Variants in HELLS observed in about 807,000 individuals in gnomAD.
HELLS encodes the protein helicase, lymphoid specific.
HELLS carries 32 observed loss-of-function variants against 120.0 expected under a neutral mutation model. That is an observed-to-expected ratio of 0.27 (90% CI 0.20 to 0.36). The LOEUF (loss-of-function observed/expected upper bound fraction) is 0.36, where lower values mean the gene tolerates loss of function less well. Among genes scored for constraint, HELLS ranks in the 10% least tolerant of loss-of-function variants. The probability of loss-of-function intolerance (pLI) is 1.00; values close to 1 mark genes in which losing one functional copy is unlikely to be tolerated. For synonymous variants in HELLS, 341 were observed against 323.4 expected (o/e 1.05, Z -0.58); for missense variants, 650 against 993.4 (o/e 0.65, Z 4.65).
chr10:94,583,972 C>T, intron 12 of HELLS: 1 of 566,138 alleles, frequency 1.8e-6, no homozygotes, highest in Non-Finnish European at 3.1e-6. Context: ...TTGCCCATTT[C>T]TGGCTATTTC....
chr10:94,597,178 C>A, intron 21 of HELLS, 67 bp downstream of exon 21: 2 of 871,184 alleles, frequency 2.3e-6, no homozygotes, highest in Non-Finnish European at 3.7e-6. Context: ...ATGTAATGAA[C>A]CCCTTGTGCA....
At chr10:94,596,722 A>G (rs1845758206) in intron 19 of HELLS, 138 bp from the exon 20 acceptor site, 1 of 548,710 alleles carries the variant, frequency 1.8e-6, no homozygotes, top group East Asian at 2.9e-5. Flanking sequence ...GAAGCCTGAG[A>G]GCTTCATTTG....
intron 2 of HELLS, among the ~76,000 whole-genome samples, chr10:94,546,754 G>C (rs1054987033): frequency 1.3e-5 from 2 of 152,150 alleles, no homozygotes; most frequent in South Asian, 4.1e-4. Context: ...ATTTCAGATT[G>C]CTTGTTTAGC....
chr10:94,572,709 G>A (rs529299669), intron 7 of HELLS, among the ~76,000 whole-genome samples: 2 of 152,270 alleles, frequency 1.3e-5, no homozygotes, highest in South Asian at 4.1e-4. Context: ...TGGTATTGTT[G>A]TGTTACGTGG....
chr10:94,588,601 A>T (rs554757042), intron 13 of HELLS, among the ~76,000 whole-genome samples: 56 of 152,216 alleles, frequency 3.7e-4, no homozygotes, highest in Non-Finnish European at 7.5e-4. Context: ...GGTTGGTCTC[A>T]GACTCCTGGG....
chr10:94,547,008 T>C (rs1000721879), intron 2 of HELLS, among the ~76,000 whole-genome samples: 2 of 152,238 alleles, frequency 1.3e-5, no homozygotes, highest in African/African-American at 4.8e-5. Flanking sequence ...TGTTTGTTTT[T>C]CTTTTGGTTT....
In HELLS at chr10:94,546,453, G is replaced by C. The variant is rs761641371; in HGVS notation, c.108G>C (p.Gln36His). 1 of 1,614,146 alleles carries C rather than the reference G, an allele frequency of 6.2e-7. No homozygotes were observed. Among genetic ancestry groups the C allele is most frequent in the Non-Finnish European group, 8.5e-7 (1 of 1,180,022 alleles). ...ITPAMLEEEE[Q>H]LEAAGLERER... ...CGGCCATGCTAGAAGAGGAAGAACA[G>C]CTTGAAGCTGCTGGACTAGAGAGAG... is the stretch of plus-strand genomic sequence containing the variant. The change falls in exon 2 of 22, where the codon CAG (glutamine) becomes CAC (histidine). Residue 36 changes from glutamine (Q) to histidine (H), a missense_variant. Gln to His is a conservative substitution (Grantham distance 24). Around this residue, in one of 9 missense-constraint regions of HELLS, gnomAD observed 90 missense variants for 93.6 expected, o/e 0.96. Coordinates refer to ENST00000348459, the MANE Select transcript of HELLS (RefSeq NM_018063.5).
At chr10:94,605,334 C>T (rs1258410553), downstream of HELLS, among the ~76,000 whole-genome samples, 1 of 152,206 alleles carries the variant, frequency 6.6e-6, no homozygotes, top group East Asian at 1.9e-4. Context: ...CCACCCTCCT[C>T]GGCCTCCCAA....
At chr10:94,577,797 C>T (rs1315220894) in intron 10 of HELLS, among the ~76,000 whole-genome samples, 1 of 151,890 alleles carries the variant, frequency 6.6e-6, no homozygotes, top group East Asian at 1.9e-4. Flanking sequence ...CGCGGTGGCT[C>T]ACGCCTGTAA....
intron 4 of HELLS, among the ~76,000 whole-genome samples, chr10:94,558,581 T>G (rs1362093514): frequency 6.6e-6 from 1 of 152,122 alleles, no homozygotes; most frequent in Non-Finnish European, 1.5e-5. Flanking sequence ...TCAGGTGTGC[T>G]ATCATGTCTT....
At chr10:94,610,619 G>C (rs926375418) in exon 10 of HELLS, 3 of 150,900 alleles carry the variant, frequency 2.0e-5, no homozygotes, top group Non-Finnish European at 4.4e-5. Context: ...ATGGAGTTCT[G>C]CTCTTGTCGC....
chr10:94,580,128 TA>T (rs906548223), intron 10 of HELLS, among the ~76,000 whole-genome samples: 30 of 28,714 alleles, frequency 1.0e-3, no homozygotes, highest in South Asian at 1.5e-3. Context: ...TATATATATA[TA>T]TATATATATA....
chr10:94,611,231 T>C (rs1846190435), exon 10 of HELLS: 1 of 152,202 alleles, frequency 6.6e-6, no homozygotes, highest in South Asian at 2.1e-4. Context: ...GTGCGGGAAG[T>C]AATAGTTATT....
chr10:94,561,585 C>T (rs972046840), intron 4 of HELLS, among the ~76,000 whole-genome samples: 14 of 152,130 alleles, frequency 9.2e-5, no homozygotes, highest in Admixed American at 3.3e-4. Context: ...CCCACCTCAG[C>T]CTCCTGAGTA....
intron 10 of HELLS, among the ~76,000 whole-genome samples, chr10:94,577,963 T>G (rs891188131): frequency 4.0e-5 from 6 of 148,612 alleles, no homozygotes; most frequent in African/African-American, 1.0e-4. Context: ...CTCGGGAGGC[T>G]GAGGCAGGAG....
intron 10 of HELLS, among the ~76,000 whole-genome samples, chr10:94,580,185 A>ACACT (rs1491523737): frequency 1.0e-4 from 7 of 69,376 alleles, no homozygotes; most frequent in African/African-American, 4.4e-4. Context: ...ACACACACAC[A>ACACT]TTTTTTTTTT....
intron 6 of HELLS, among the ~76,000 whole-genome samples, chr10:94,567,527 A>G (rs906293027): frequency 6.6e-6 from 1 of 152,058 alleles, no homozygotes; most frequent in African/African-American, 2.4e-5. Context: ...CGAACTCCCG[A>G]TCTCAGGTGA....
rs144315396 is a variant in HELLS, at chr10:94,574,308, A to T, written c.705+121A>T. The T allele has an allele frequency of 8.1e-6, 6 of 742,238 alleles. No individual in the cohort carries two copies. The East Asian group carries it at 1.6e-4, about 20-fold the overall frequency. 46.0% of individuals were successfully genotyped at this position (742,238 alleles called of 1,614,324 possible). A position where few individuals can be genotyped will look rare whatever the true frequency, so the allele number is the denominator to read the frequency against. On this transcript the variant is annotated intron_variant, in intron 8 of 21. Transcript: ENST00000348459. ...TTCACTATTATACATTTGTATGTGG[A>T]TACTTGCTTTCTGATTTCTTTACCC...
At chr10:94,581,288 C>A in intron 10 of HELLS, 38 bp from the exon 11 acceptor site, 1 of 1,278,018 alleles carries the variant, frequency 7.8e-7, no homozygotes, top group Admixed American at 2.5e-5. Context: ...ATTGTGAGAT[C>A]ATTGTTTAAA....
Sources: gnomAD v4.1 joint callset for allele counts (sites outside exome capture counted in the v4.1 genomes callset) on GRCh38, gnomAD v4.1.1 for gene constraint, gnomAD v4.1.1 regional missense constraint, MANE v1.5 for transcripts, NCBI Gene and HGNC (gene_info 2026-07-23, HGNC 2026-07-21) for gene names.